Variants in TENM3 observed in about 807,000 individuals in gnomAD.
The protein encoded by TENM3 is teneurin transmembrane protein 3.
A neutral mutation model predicts 255.1 loss-of-function variants in TENM3; 63 were observed. The ratio of observed to expected loss-of-function variants is 0.25; its 90% CI spans 0.20 to 0.30. TENM3 has a LOEUF of 0.30. Among genes scored for constraint, TENM3 ranks in the 10% least tolerant of loss-of-function variants. The probability of loss-of-function intolerance (pLI) is 1.00; values close to 1 mark genes in which losing one functional copy is unlikely to be tolerated. For synonymous variants in TENM3, 1,306 were observed against 1,322.3 expected, an observed-to-expected ratio of 0.99 and a Z score of 0.27; for missense variants, 2,929 against 3,461.1, an observed-to-expected ratio of 0.85 and a Z score of 3.86.
In TENM3 at chr4:182,801,746, G is replaced by C. The variant is rs1194344202; in HGVS notation, c.*1395G>C. 1 of 152,250 alleles carries C rather than the reference G, an allele frequency of 6.6e-6. No homozygotes were observed. The highest frequency in any genetic ancestry group is 1.5e-5 in the Non-Finnish European group (1 of 68,094). The allele number at this position is 152,250 out of a possible 1,614,324, so 9.4% of individuals were successfully genotyped here. On this transcript the variant is annotated 3_prime_UTR_variant, in exon 28 of 28. Transcript: ENST00000511685. ...CCAAACCATCTTGGGGGGCTGGTTT[G>C]AATGACAGCCTCTGCTCTGTCTCGG...
chr4:181,865,773 G>T, the TENM3 span, among the ~76,000 whole-genome samples: 1 of 151,994 alleles, frequency 6.6e-6, no homozygotes, highest in South Asian at 2.1e-4. Flanking sequence ...TTAGAAATCC[G>T]GTCAGTGTAC....
At chr4:182,039,448 T>C in the TENM3 span, among the ~76,000 whole-genome samples, 3 of 152,052 alleles carry the variant, frequency 2.0e-5, no homozygotes, top group African/African-American at 7.2e-5. Flanking sequence ...GTGCAAAAAG[T>C]ATGCTTAGGT....
chr4:181,796,224 C>T, the TENM3 span, among the ~76,000 whole-genome samples: 65 of 152,304 alleles, frequency 4.3e-4, no homozygotes, highest in African/African-American at 1.5e-3. Flanking sequence ...TCGATTCCTT[C>T]ATTCATTCAT....
the TENM3 span, among the ~76,000 whole-genome samples, chr4:181,782,959 A>G: frequency 6.6e-6 from 1 of 152,138 alleles, no homozygotes; most frequent in African/African-American, 2.4e-5. Flanking sequence ...CCTGAGTTCT[A>G]GTTTGATTGC....
At chr4:181,992,164 C>T in the TENM3 span, among the ~76,000 whole-genome samples, 15 of 152,056 alleles carry the variant, frequency 9.9e-5, no homozygotes, top group East Asian at 1.2e-3. Context: ...CCTTTTTGAA[C>T]GGAAATAACA....
At chr4:182,535,928 A>G (rs1236978474) in intron 3 of TENM3, among the ~76,000 whole-genome samples, 2 of 152,116 alleles carry the variant, frequency 1.3e-5, no homozygotes, top group Non-Finnish European at 2.9e-5. Flanking sequence ...TAACCTCTAT[A>G]CAAGTATTTG....
At chr4:181,796,321 T>A in the TENM3 span, among the ~76,000 whole-genome samples, 294 of 152,256 alleles carry the variant, frequency 1.9e-3, 6 homozygotes, top group Admixed American at 0.018. Flanking sequence ...GGCACATTCA[T>A]GAATTATACA....
At chr4:181,456,191 A>ATG in the TENM3 span, among the ~76,000 whole-genome samples, 3 of 116,518 alleles carry the variant, frequency 2.6e-5, no homozygotes, top group African/African-American at 5.9e-5. Context: ...ATATATGTAT[A>ATG]TGTGTATATA....
At chr4:182,364,662 G>A (rs1476031060) in intron 3 of TENM3, among the ~76,000 whole-genome samples, 2 of 152,134 alleles carry the variant, frequency 1.3e-5, no homozygotes, top group African/African-American at 2.4e-5. Flanking sequence ...CTCGTGATCC[G>A]CTCGTCTCGG....
chr4:182,756,343 C>T (rs1452396042), intron 22 of TENM3, among the ~76,000 whole-genome samples: 1 of 151,900 alleles, frequency 6.6e-6, no homozygotes, highest in East Asian at 1.9e-4. Flanking sequence ...AGTGGTGGCC[C>T]GGGCACTGTG....
At chr4:182,128,992 T>C in the TENM3 span, among the ~76,000 whole-genome samples, 1 of 152,282 alleles carries the variant, frequency 6.6e-6, no homozygotes, top group African/African-American at 2.4e-5. Context: ...TCCAAAAAAA[T>C]TTAAAGCAGG....
At chr4:181,471,110 T>C in the TENM3 span, among the ~76,000 whole-genome samples, 99,235 of 152,028 alleles carry the variant, frequency 0.65, 33,477 homozygotes, top group Non-Finnish European at 0.74. Context: ...GCATGACAAA[T>C]TATCTTATTA....
intron 12 of TENM3, among the ~76,000 whole-genome samples, chr4:182,704,888 A>T (rs1000254519): frequency 6.7e-6 from 1 of 148,956 alleles, no homozygotes; most frequent in Non-Finnish European, 1.5e-5. Flanking sequence ...AAATTAATTG[A>T]CTTTCCTAAA....
chr4:181,570,966 T>C, the TENM3 span, among the ~76,000 whole-genome samples: 2 of 118,974 alleles, frequency 1.7e-5, no homozygotes, highest in African/African-American at 6.4e-5. Flanking sequence ...AGATCTGACG[T>C]CCAGGCTGAT....
At chr4:181,451,884 G>GAGAT in the TENM3 span, among the ~76,000 whole-genome samples, 1 of 152,158 alleles carries the variant, frequency 6.6e-6, no homozygotes, top group Non-Finnish European at 1.5e-5. Context: ...AATAGTGAAT[G>GAGAT]AGATTGCTCA....
At chr4:182,191,767 C>G (rs894234245) in intron 1 of TENM3, among the ~76,000 whole-genome samples, 1 of 152,132 alleles carries the variant, frequency 6.6e-6, no homozygotes, top group Admixed American at 6.5e-5. Flanking sequence ...ATCTAAAGCC[C>G]TTTTTACTGG....
chr4:182,335,061 G>A lies in TENM3; in HGVS notation c.232+10809G>A, dbSNP rs112001965. ...CCCTTGGTGCCCAGGTGGCAGCTGT[G>A]CTTTCATATTCCTGTTGGAGTAAGA... is the stretch of plus-strand genomic sequence containing the variant. On this transcript the variant is annotated intron_variant, in intron 2 of 27. Coordinates refer to ENST00000511685, the MANE Select transcript of TENM3 (RefSeq NM_001080477.4). 9.6e-3 allele frequency among the ~76,000 whole-genome samples: 1,463 copies of A among 152,068 alleles called. 27 individuals carry two copies. Among genetic ancestry groups the A allele is most frequent in the African/African-American group, 0.033 (1,373 of 41,486 alleles).
the TENM3 span, among the ~76,000 whole-genome samples, chr4:181,749,926 G>T: frequency 6.6e-6 from 1 of 152,058 alleles, no homozygotes; most frequent in African/African-American, 2.4e-5. Flanking sequence ...TCTTATCACA[G>T]TACCATTAAT....
chr4:181,452,518 A>G, the TENM3 span, among the ~76,000 whole-genome samples: 1 of 151,918 alleles, frequency 6.6e-6, no homozygotes. Context: ...TTTGCTTGGT[A>G]TTTCTTGGTG....
Sources: gnomAD v4.1 joint callset for allele counts (sites outside exome capture counted in the v4.1 genomes callset) on GRCh38, gnomAD v4.1.1 for gene constraint, MANE v1.5 for transcripts, NCBI Gene and HGNC (gene_info 2026-07-23, HGNC 2026-07-21) for gene names.